EPS15L1: variants seen among roughly 807,000 people sequenced by gnomAD.
The protein encoded by EPS15L1 is epidermal growth factor receptor substrate 15-like 1.
Under a neutral mutation model 117.1 loss-of-function variants are expected in EPS15L1, and 43 were observed. The ratio of observed to expected loss-of-function variants is 0.37; its 90% CI spans 0.29 to 0.47. The LOEUF is 0.47. Ranked by LOEUF, EPS15L1 falls within the 20% of genes least tolerant of loss-of-function variation. The probability of loss-of-function intolerance (pLI) is 0.99; values close to 1 mark genes in which losing one functional copy is unlikely to be tolerated. For missense variants in EPS15L1, 981 were observed against 1,164.0 expected (o/e 0.84, Z 2.29); for synonymous variants, 459 against 470.5 (o/e 0.98, Z 0.32).
At position 16,361,758 on chromosome 19, in the gene EPS15L1, G is replaced by A. The variant is rs375185884; in HGVS notation, c.2586+21C>T. On this transcript the variant is annotated intron_variant, in intron 23 of 23. Coordinates refer to ENST00000455140, the MANE Select transcript of EPS15L1 (RefSeq NM_001258374.3). ...AAGCGGAAGGGAGTGGGGTGGCCCG[G>A]AGGCGGAGGACTCAACTTACAGAGG... The A allele has an allele frequency of 1.3e-4, 204 of 1,605,418 alleles. No homozygotes were observed. In the African/African-American group the frequency reaches 2.4e-3, roughly 19 times the overall value.
chr19:16,467,688 T>G (rs1392450341), intron 1 of EPS15L1, among the ~76,000 whole-genome samples: 1 of 152,184 alleles, frequency 6.6e-6, no homozygotes, highest in East Asian at 1.9e-4. Flanking sequence ...AGCACTTATT[T>G]CAGAGGAAGA....
chr19:16,385,067 C>T (rs1224335352), intron 21 of EPS15L1, 62 bp downstream of exon 21: 7 of 1,320,474 alleles, frequency 5.3e-6, no homozygotes, highest in African/African-American at 1.4e-5. Context: ...TGGCAGCCCA[C>T]ACCATGACAA....
At chr19:16,417,410 C>T (rs550129293) in intron 12 of EPS15L1, 142 bp downstream of exon 12, 121 of 708,592 alleles carry the variant, frequency 1.7e-4, no homozygotes, top group Non-Finnish European at 1.8e-5. Context: ...CAGTTTAGGA[C>T]CTCAGAAGCT....
At chr19:16,396,382 C>A (rs997176072) in intron 16 of EPS15L1, among the ~76,000 whole-genome samples, 2 of 152,192 alleles carry the variant, frequency 1.3e-5, no homozygotes, top group Non-Finnish European at 2.9e-5. Context: ...CCACGTCGGT[C>A]TCCCGAGTAG....
At position 16,366,565 on chromosome 19, in the gene EPS15L1, A is replaced by G. The variant is rs933023308; in HGVS notation, c.2381-4581T>C. ...TTGCTCTGTTGCCGAAACCGTTGTTATTTAGAAATCATGACTATGGTAATA... is the reference window on the plus strand; with the variant it reads ...TTGCTCTGTTGCCGAAACCGTTGTTGTTTAGAAATCATGACTATGGTAATA... On this transcript the variant is annotated intron_variant, in intron 22 of 23. Coordinates refer to ENST00000455140, the MANE Select transcript of EPS15L1 (RefSeq NM_001258374.3). Among the ~76,000 whole-genome samples the G allele has an allele frequency of 5.3e-5, 8 of 152,278 alleles. No individual in the cohort carries two copies. In the South Asian group the frequency reaches 1.5e-3, roughly 28 times the overall value.
chr19:16,396,376 G>A (rs980968348), intron 16 of EPS15L1, among the ~76,000 whole-genome samples: 7 of 152,068 alleles, frequency 4.6e-5, no homozygotes, highest in African/African-American at 1.4e-4. Flanking sequence ...ATCCTCCCAC[G>A]TCGGTCTCCC....
chr19:16,394,035 C>A, intron 17 of EPS15L1, 34 bp from the exon 18 acceptor site: 1 of 1,610,356 alleles, frequency 6.2e-7, no homozygotes, highest in East Asian at 2.2e-5. Context: ...CTTATTAGCT[C>A]TAGGGCACAG....
At chr19:16,435,509 G>A (rs893715636) in intron 6 of EPS15L1, among the ~76,000 whole-genome samples, 1 of 152,162 alleles carries the variant, frequency 6.6e-6, no homozygotes, top group African/African-American at 2.4e-5. Flanking sequence ...GTTACATGAT[G>A]TGTCTTTCAA....
chr19:16,437,870 A>C lies in EPS15L1; in HGVS notation c.214-5T>G, dbSNP rs1451139205. 1 of 1,612,150 alleles carries C rather than the reference A, an allele frequency of 6.2e-7. No homozygotes were observed. Among genetic ancestry groups the C allele is most frequent in the Admixed American group, 1.7e-5 (1 of 59,980 alleles). ...TCTCAGTGCAACATAGAAACCCTGC[A>C]AGTCCAAAGAAAGGGAAGGAGTAAA... On this transcript the variant is annotated splice_polypyrimidine_tract_variant and splice_region_variant and intron_variant, in intron 4 of 23. Transcript: ENST00000455140.
chr19:16,468,639 C>A (rs1389462638), intron 1 of EPS15L1, among the ~76,000 whole-genome samples: 3 of 146,734 alleles, frequency 2.0e-5, no homozygotes, highest in Admixed American at 2.0e-4. Flanking sequence ...AGCCACAGCG[C>A]CCAGCCATAA....
intron 8 of EPS15L1, among the ~76,000 whole-genome samples, chr19:16,425,632 G>A (rs1186262146): frequency 6.6e-6 from 1 of 152,154 alleles, no homozygotes; most frequent in East Asian, 1.9e-4. Flanking sequence ...TACTGGATTT[G>A]GAAGTCTAAA....
intron 1 of EPS15L1, among the ~76,000 whole-genome samples, chr19:16,444,750 A>G (rs1288167626): frequency 1.4e-5 from 2 of 147,540 alleles, no homozygotes; most frequent in African/African-American, 2.5e-5. Flanking sequence ...TTTTTGAGAC[A>G]GGGTCTTGTT....
intron 19 of EPS15L1, among the ~76,000 whole-genome samples, chr19:16,387,781 A>C (rs1046512892): frequency 6.6e-6 from 1 of 152,200 alleles, no homozygotes; most frequent in Non-Finnish European, 1.5e-5. Flanking sequence ...AACAAAAAAA[A>C]ACCCCACTTC....
At chr19:16,416,595 C>T (rs1053409686) in intron 12 of EPS15L1, among the ~76,000 whole-genome samples, 3 of 151,524 alleles carry the variant, frequency 2.0e-5, no homozygotes, top group African/African-American at 4.9e-5. Flanking sequence ...TGAGATCACA[C>T]CACTGCACTC....
At chr19:16,395,610 C>T in intron 16 of EPS15L1, 143 bp from the exon 17 acceptor site, 1 of 895,650 alleles carries the variant, frequency 1.1e-6, no homozygotes, top group African/African-American at 1.7e-5. Flanking sequence ...CGAGGCTGGC[C>T]TGGGCAACAT....
Position 16,425,158 on chromosome 19 carries a change from C to T in EPS15L1, c.717G>A (p.Thr239=), listed in dbSNP as rs759198243. The part of the protein sequence containing the change: ...SPPPKDSLRS[T]PSHGSVSSLN... ...GGCTGCTGACGCTGCCGTGGGACGGCGTGGAGCGGAGGCTGTCTTTTGGTG... is the reference window on the plus strand; with the variant it reads ...GGCTGCTGACGCTGCCGTGGGACGGTGTGGAGCGGAGGCTGTCTTTTGGTG... The change falls in exon 9 of 24, where the codon ACG becomes ACA. Residue 239 remains threonine (T), a synonymous_variant. Transcript: ENST00000455140. The T allele has an allele frequency of 1.7e-5, 27 of 1,605,022 alleles. No individual in the cohort carries two copies. In the South Asian group the frequency reaches 2.4e-4, roughly 14 times the overall value.
At chr19:16,438,419 CA>C (rs2092997539) in intron 4 of EPS15L1, among the ~76,000 whole-genome samples, 3 of 152,126 alleles carry the variant, frequency 2.0e-5, no homozygotes, top group Non-Finnish European at 4.4e-5. Context: ...TGTAAAATTT[CA>C]GATGCATATA....
chr19:16,394,147 T>A, intron 17 of EPS15L1, 146 bp from the exon 18 acceptor site: 1 of 709,364 alleles, frequency 1.4e-6, no homozygotes, highest in East Asian at 2.6e-5. Flanking sequence ...TTCTCTACTA[T>A]CCACCTGCCC....
chr19:16,453,803 C>T (rs1203800239), intron 1 of EPS15L1, among the ~76,000 whole-genome samples: 2 of 151,726 alleles, frequency 1.3e-5, no homozygotes, highest in Non-Finnish European at 2.9e-5. Context: ...TCATGCAATA[C>T]TCTCATGTAA....
Sources: allele counts gnomAD v4.1 joint callset (sites outside exome capture counted in the v4.1 genomes callset), GRCh38; gene constraint gnomAD v4.1.1; transcripts MANE v1.5; gene names NCBI Gene and HGNC (gene_info 2026-07-23, HGNC 2026-07-21).